Variants in TM9SF4 observed in about 807,000 individuals in gnomAD.
The protein encoded by TM9SF4 is transmembrane 9 superfamily member 4.
TM9SF4 carries 26 observed loss-of-function variants against 90.4 expected under a neutral mutation model. The observed-to-expected ratio is 0.29, with a 90% CI of 0.21 to 0.40. TM9SF4 has a LOEUF of 0.40. TM9SF4 is among the 10% of genes least tolerant of loss of function. TM9SF4 has a pLI of 1.00. For synonymous variants in TM9SF4, 293 were observed against 315.4 expected (o/e 0.93, Z 0.75); for missense variants, 549 against 834.8 (o/e 0.66, Z 4.22).
intron 1 of TM9SF4, among the ~76,000 whole-genome samples, chr20:32,123,866 A>ATATATATATATTTATTTTTTTTTTTT: frequency 1.1e-5 from 1 of 93,964 alleles, no homozygotes; most frequent in Admixed American, 1.2e-4. Flanking sequence ...ATATATATAT[A>ATATATATATATTTATTTTTTTTTTTT]TTTTTTTTTT....
chr20:32,145,470 A>C, intron 8 of TM9SF4, 47 bp downstream of exon 8: 1 of 1,542,174 alleles, frequency 6.5e-7, no homozygotes, highest in Non-Finnish European at 9.0e-7. Flanking sequence ...GTTGGGGTTG[A>C]GGGACTGAGA....
intron 13 of TM9SF4, 54 bp downstream of exon 13, chr20:32,155,240 C>T (rs900648283): frequency 5.3e-5 from 76 of 1,445,946 alleles, no homozygotes; most frequent in Non-Finnish European, 6.9e-5. Context: ...GGACCAGTTG[C>T]ACTCAGCCCT....
intron 6 of TM9SF4, 89 bp from the exon 7 acceptor site, chr20:32,145,002 A>G (rs921669747): frequency 1.6e-6 from 2 of 1,251,596 alleles, no homozygotes; most frequent in African/African-American, 3.0e-5. Flanking sequence ...GGTCTCCGCG[A>G]CAGGCAGCCT....
intron 16 of TM9SF4, 36 bp from the exon 17 acceptor site, chr20:32,161,240 C>A: frequency 6.3e-7 from 1 of 1,597,024 alleles, no homozygotes; most frequent in Non-Finnish European, 8.6e-7. Context: ...GGTTCTGCCC[C>A]AGGACAACAC....
At chr20:32,112,826 T>C (rs1460855403) in intron 1 of TM9SF4, among the ~76,000 whole-genome samples, 1 of 152,132 alleles carries the variant, frequency 6.6e-6, no homozygotes, top group African/African-American at 2.4e-5. Flanking sequence ...AAACTGAGTA[T>C]GTAACATATG....
rs774248497 is a variant in TM9SF4, at chr20:32,160,066, T to C, written c.1644T>C (p.Cys548=). The stretch of plus-strand genomic sequence containing the variant: ...TTTTCATCATCCTGGTGGTATCCTG[T>C]TCACAAATCAGCATCGTCATGGTGT... ...FLVFIILVVS[C]SQISIVMVYF... is the part of the protein sequence containing the mutation. The change falls in exon 16 of 18, where the codon TGT becomes TGC. Residue 548 remains cysteine, a synonymous_variant. Transcript: ENST00000398022. 1 of 1,614,240 alleles carries C rather than the reference T, an allele frequency of 6.2e-7. No homozygotes were observed. The highest frequency in any genetic ancestry group is 2.2e-5 in the East Asian group (1 of 44,884).
At position 32,165,233 on chromosome 20, in the gene TM9SF4, C is replaced by T. The variant is rs1273137814; in HGVS notation, c.1780-62C>T. Reference sequence around the variant, plus strand: ...CATGATATCAGTGAGAGTGGGGCCCCAGTTCGCCATGCAGCCTGGCACTAA... The same window carrying T: ...CATGATATCAGTGAGAGTGGGGCCCTAGTTCGCCATGCAGCCTGGCACTAA... On this transcript the variant is annotated intron_variant, in intron 17 of 17. Transcript: ENST00000398022. The T allele has an allele frequency of 4.4e-6, 7 of 1,600,910 alleles. No individual in the cohort carries two copies. The African/African-American group carries it at 9.4e-5, about 21-fold the overall frequency.
chr20:32,139,799 T>G (rs565630446), intron 3 of TM9SF4, among the ~76,000 whole-genome samples: 2 of 152,338 alleles, frequency 1.3e-5, no homozygotes, highest in South Asian at 4.1e-4. Context: ...CACACAGGCC[T>G]TTCAGGTTCA....
chr20:32,122,617 C>T (rs548555616), intron 1 of TM9SF4, among the ~76,000 whole-genome samples: 5 of 148,696 alleles, frequency 3.4e-5, no homozygotes, highest in East Asian at 2.0e-4. Flanking sequence ...TGATGGCGTC[C>T]GGGAAGAGGC....
chr20:32,114,241 A>G (rs1263328764), intron 1 of TM9SF4, among the ~76,000 whole-genome samples: 1 of 152,238 alleles, frequency 6.6e-6, no homozygotes, highest in Non-Finnish European at 1.5e-5. Context: ...ACAGGAATGG[A>G]ATAAATGACA....
intron 1 of TM9SF4, among the ~76,000 whole-genome samples, chr20:32,132,153 C>T (rs891956514): frequency 5.9e-5 from 9 of 152,100 alleles, no homozygotes; most frequent in African/African-American, 1.9e-4. Context: ...CTTGTAATCT[C>T]GGCACTTTGG....
At chr20:32,113,607 A>G (rs948032272) in intron 1 of TM9SF4, among the ~76,000 whole-genome samples, 2 of 151,640 alleles carry the variant, frequency 1.3e-5, no homozygotes, top group East Asian at 3.9e-4. Context: ...ATAAAACTCT[A>G]CTTCCCTCAC....
intron 1 of TM9SF4, among the ~76,000 whole-genome samples, chr20:32,124,096 G>C (rs1302412764): frequency 6.6e-6 from 1 of 151,952 alleles, no homozygotes; most frequent in African/African-American, 2.4e-5. Context: ...ACTCCCATCT[G>C]TCCTCAAGTG....
chr20:32,125,816 G>A (rs1308812309), intron 1 of TM9SF4, among the ~76,000 whole-genome samples: 7 of 150,860 alleles, frequency 4.6e-5, no homozygotes, highest in East Asian at 1.9e-4. Context: ...CTACAGGCAC[G>A]TGCCATCACG....
intron 1 of TM9SF4, among the ~76,000 whole-genome samples, chr20:32,121,453 C>T (rs1461681591): frequency 4.1e-4 from 62 of 152,018 alleles, no homozygotes; most frequent in Non-Finnish European, 2.4e-4. Context: ...GCACATCTTG[C>T]ACCGCCCTTA....
chr20:32,145,407 G>A lies in TM9SF4; in HGVS notation c.867G>A (p.Val289=). 6.2e-7 allele frequency: 1 copy of A among 1,614,078 alleles called. No homozygotes were observed. The highest frequency in any genetic ancestry group is 8.5e-7 in the Non-Finnish European group (1 of 1,180,010). Residue 289 remains valine (V), a synonymous_variant, in exon 8 of 18, where the codon GTG becomes GTA. Coordinates refer to ENST00000398022, the MANE Select transcript of TM9SF4 (RefSeq NM_014742.4). ...TTTCTATCATTAACTCCGTTGTTGT[G>A]GTCTTCTTCCTGTCAGGTGAGAGAT... The part of the protein sequence containing the change: ...HWFSIINSVV[V]VFFLSGILSM...
intron 12 of TM9SF4, among the ~76,000 whole-genome samples, chr20:32,152,629 G>A (rs1484772665): frequency 6.6e-6 from 1 of 152,026 alleles, no homozygotes; most frequent in Non-Finnish European, 1.5e-5. Flanking sequence ...TTTCCACAGG[G>A]GGTCATCTCC....
At chr20:32,135,596 C>A (rs1195305155) in intron 2 of TM9SF4, among the ~76,000 whole-genome samples, 2 of 152,102 alleles carry the variant, frequency 1.3e-5, no homozygotes, top group African/African-American at 4.8e-5. Flanking sequence ...AAGGGGAGAG[C>A]TGAGACCTGA....
intron 12 of TM9SF4, among the ~76,000 whole-genome samples, chr20:32,154,205 A>G (rs1569100668): frequency 3.9e-5 from 6 of 152,080 alleles, no homozygotes; most frequent in South Asian, 2.1e-4. Context: ...GCTGGAGTGC[A>G]GTGGCATGAC....
Sources: gnomAD v4.1 joint callset for allele counts (sites outside exome capture counted in the v4.1 genomes callset) on GRCh38, gnomAD v4.1.1 for gene constraint, MANE v1.5 for transcripts, NCBI Gene and HGNC (gene_info 2026-07-23, HGNC 2026-07-21) for gene names.